GMDS: variants seen among roughly 807,000 people sequenced by gnomAD.
The protein encoded by GMDS is GDP-mannose 4,6-dehydratase.
Under a neutral mutation model 49.9 loss-of-function variants are expected in GMDS, and 20 were observed. The observed-to-expected ratio is 0.40, with a 90% CI of 0.28 to 0.58. The LOEUF is 0.58. Among genes scored for constraint, GMDS ranks in the 20% least tolerant of loss-of-function variants. GMDS has a pLI of 0.42. For missense variants in GMDS, 362 were observed against 481.4 expected (o/e 0.75, Z 2.32); for synonymous variants, 177 against 178.6 (o/e 0.99, Z 0.07).
intron 8 of GMDS, among the ~76,000 whole-genome samples, chr6:1,737,770 C>A (rs1233655458): frequency 7.2e-6 from 1 of 139,170 alleles, no homozygotes; most frequent in South Asian, 2.7e-4. Flanking sequence ...ACACCACACA[C>A]ACAGATACAC....
intron 9 of GMDS, among the ~76,000 whole-genome samples, chr6:1,667,670 G>A (rs1284043884): frequency 6.6e-6 from 1 of 151,118 alleles, no homozygotes; most frequent in Admixed American, 6.6e-5. Context: ...TGGTCTAATG[G>A]CAACATGGAA....
chr6:1,984,281 A>G (rs938201336), intron 4 of GMDS, among the ~76,000 whole-genome samples: 1 of 152,166 alleles, frequency 6.6e-6, no homozygotes, highest in Admixed American at 6.5e-5. Flanking sequence ...TCTGGGCTTA[A>G]TACCTAGATG....
At chr6:2,179,638 C>T (rs1399480769) in intron 1 of GMDS, among the ~76,000 whole-genome samples, 4 of 152,066 alleles carry the variant, frequency 2.6e-5, no homozygotes, top group Non-Finnish European at 5.9e-5. Flanking sequence ...TTCTCAGCCT[C>T]CAGAATTTGA....
chr6:1,712,203 A>C (rs1765997457), intron 9 of GMDS, among the ~76,000 whole-genome samples: 3 of 152,224 alleles, frequency 2.0e-5, no homozygotes. Context: ...GGTTTGAGGA[A>C]TTCTTTTCTT....
chr6:1,952,543 T>C (rs1241003326), intron 6 of GMDS, among the ~76,000 whole-genome samples: 1 of 152,052 alleles, frequency 6.6e-6, no homozygotes, highest in Non-Finnish European at 1.5e-5. Flanking sequence ...CAGAATGAAA[T>C]ACAAAATAAA....
intron 7 of GMDS, among the ~76,000 whole-genome samples, chr6:1,744,858 A>G (rs560124133): frequency 2.0e-5 from 3 of 152,350 alleles, no homozygotes; most frequent in South Asian, 2.1e-4. Context: ...ATGAATTCCA[A>G]TGCACACAGT....
intron 9 of GMDS, among the ~76,000 whole-genome samples, chr6:1,637,324 G>A (rs776731597): frequency 1.5e-4 from 23 of 152,222 alleles, no homozygotes; most frequent in Non-Finnish European, 1.6e-4. Flanking sequence ...CTTCCCGGCC[G>A]GCCCCGCAGA....
At position 1,836,470 on chromosome 6, in the gene GMDS, T is replaced by C. The variant is rs184213537; in HGVS notation, c.771+93633A>G. On this transcript the variant is annotated intron_variant, in intron 7 of 10. Coordinates refer to ENST00000380815, the MANE Select transcript of GMDS (RefSeq NM_001500.4). This position sits in a 1 kb window ranked among gnomAD's most constrained non-coding sequence, Gnocchi z 4.2. ...TGGTTGGATGTCTATCATAGTATTTTCTATTATGTTGCTAGATAAAGACAT... is the reference window on the plus strand; with the variant it reads ...TGGTTGGATGTCTATCATAGTATTTCCTATTATGTTGCTAGATAAAGACAT... 6.6e-6 allele frequency among the ~76,000 whole-genome samples: 1 copy of C among 152,358 alleles called. No homozygotes were observed. Among genetic ancestry groups the C allele is most frequent in the Admixed American group, 6.5e-5 (1 of 15,304 alleles).
In GMDS at chr6:1,782,600, G is replaced by C. The variant is rs370274175; in HGVS notation, c.772-40014C>G. On this transcript the variant is annotated intron_variant, in intron 7 of 10. Transcript: ENST00000380815. The stretch of plus-strand genomic sequence containing the variant: ...GCTCTTTATAAAGAGACTTTGGATA[G>C]ACATGCCTCATGGCTAACTGGCTGA... Among the ~76,000 whole-genome samples, 99 of 152,306 alleles carry C rather than the reference G, an allele frequency of 6.5e-4. 2 individuals carry two copies. The South Asian group carries it at 0.02, about 30-fold the overall frequency.
intron 9 of GMDS, among the ~76,000 whole-genome samples, chr6:1,725,583 G>A (rs995352982): frequency 6.6e-6 from 1 of 152,014 alleles, no homozygotes; most frequent in African/African-American, 2.4e-5. Context: ...ACAGGCATGC[G>A]CTACCACACC....
intron 1 of GMDS, among the ~76,000 whole-genome samples, chr6:2,200,485 C>T (rs1779466230): frequency 6.7e-6 from 1 of 148,780 alleles, no homozygotes; most frequent in African/African-American, 2.5e-5. Flanking sequence ...GAAGAGAGAG[C>T]ACCACATGGA....
intron 9 of GMDS, among the ~76,000 whole-genome samples, chr6:1,723,814 C>T (rs1176472145): frequency 2.0e-5 from 3 of 152,140 alleles, no homozygotes; most frequent in African/African-American, 7.2e-5. Context: ...GAGAATTCCA[C>T]ATGTATCCTA....
intron 6 of GMDS, among the ~76,000 whole-genome samples, chr6:1,932,472 C>T (rs936713957): frequency 6.6e-6 from 1 of 151,560 alleles, no homozygotes; most frequent in African/African-American, 2.4e-5. Flanking sequence ...AAAGGTGGAT[C>T]TTTTCTTATC....
At chr6:1,880,284 C>CAAAAAAAA (rs34490393) in intron 7 of GMDS, among the ~76,000 whole-genome samples, 6 of 59,112 alleles carry the variant, frequency 1.0e-4, no homozygotes, top group African/African-American at 4.3e-4. Context: ...CTCATTTCCA[C>CAAAAAAAA]AAAAAAAAAA....
At chr6:2,220,988 G>A (rs1208205626) in intron 1 of GMDS, among the ~76,000 whole-genome samples, 1 of 152,070 alleles carries the variant, frequency 6.6e-6, no homozygotes, top group East Asian at 1.9e-4. Flanking sequence ...ACCAGCGTGG[G>A]GAATACAGCA....
rs191908487 is a variant in GMDS at position 1,759,892 on chromosome 6, C to T, written c.772-17306G>A. Among the ~76,000 whole-genome samples, 24 of 152,194 alleles carry T rather than the reference C, an allele frequency of 1.6e-4. No individual in the cohort carries two copies. The East Asian group carries it at 2.7e-3, about 17-fold the overall frequency. ...AGGTGATGTGTCCCTGTGCCTACTGCGCCCCAGCCCCCCACCCCCCAACAC... is the reference window on the plus strand; with the variant it reads ...AGGTGATGTGTCCCTGTGCCTACTGTGCCCCAGCCCCCCACCCCCCAACAC... On this transcript the variant is annotated intron_variant, in intron 7 of 10. Transcript: ENST00000380815.
At chr6:2,034,115 A>G (rs1016844786) in intron 4 of GMDS, among the ~76,000 whole-genome samples, 2 of 152,204 alleles carry the variant, frequency 1.3e-5, no homozygotes, top group African/African-American at 4.8e-5. Context: ...TGTGTATATA[A>G]GGGACACGTA....
chr6:1,672,362 G>A (rs746332639), intron 9 of GMDS, among the ~76,000 whole-genome samples: 5 of 152,346 alleles, frequency 3.3e-5, no homozygotes, highest in Admixed American at 2.0e-4. Flanking sequence ...TCCACAAGCC[G>A]CTGATTAGGG....
intron 6 of GMDS, among the ~76,000 whole-genome samples, chr6:1,952,416 C>G (rs112136859): frequency 6.6e-6 from 1 of 152,008 alleles, no homozygotes; most frequent in Non-Finnish European, 1.5e-5. Flanking sequence ...CTATGTCAAA[C>G]GCAACACGAA....
Sources: gnomAD v4.1 joint callset for allele counts (sites outside exome capture counted in the v4.1 genomes callset) on GRCh38, gnomAD v4.1.1 for gene constraint, Gnocchi (gnomAD v3.1) non-coding constraint, MANE v1.5 for transcripts, NCBI Gene and HGNC (gene_info 2026-07-23, HGNC 2026-07-21) for gene names.